The following SORCS3 variants were observed in gnomAD, a reference collection of about 807,000 sequenced individuals.
The protein encoded by SORCS3 is VPS10 domain-containing receptor SorCS3.
A neutral mutation model predicts 146.3 loss-of-function variants in SORCS3; 57 were observed. That is an observed-to-expected ratio of 0.39 (90% CI 0.31 to 0.49). The LOEUF is 0.49. Ranked by LOEUF, SORCS3 falls within the 20% of genes least tolerant of loss-of-function variation. The probability of loss-of-function intolerance (pLI) is 0.92; values close to 1 mark genes in which losing one functional copy is unlikely to be tolerated. For missense variants in SORCS3, 1,341 were observed against 1,575.5 expected, an observed-to-expected ratio of 0.85 and a Z score of 2.52; for synonymous variants, 653 against 618.5, an observed-to-expected ratio of 1.06 and a Z score of -0.83.
intron 2 of SORCS3, among the ~76,000 whole-genome samples, chr10:104,899,479 C>T (rs1045074342): frequency 6.6e-6 from 1 of 152,176 alleles, no homozygotes; most frequent in African/African-American, 2.4e-5. Context: ...GTTTTCCCAC[C>T]TACATCCAGT....
intron 13 of SORCS3, among the ~76,000 whole-genome samples, chr10:105,173,318 C>CA (rs1198204256): frequency 3.9e-5 from 6 of 151,924 alleles, no homozygotes; most frequent in East Asian, 3.9e-4. Context: ...CTCAAAAACA[C>CA]AAAAAAACAA....
Position 105,157,199 on chromosome 10 carries a change from A to G in SORCS3, c.1544A>G (p.Tyr515Cys), listed in dbSNP as rs1298051849. Residue 515 changes from tyrosine to cysteine, a missense_variant, in exon 10 of 27, where the codon TAC (tyrosine) becomes TGC (cysteine). Transcript: ENST00000369701. Reference protein sequence around the residue: ...NKKVDDQVKTYITYNKGRDWR... With the variant: ...NKKVDDQVKTCITYNKGRDWR... ...AAGGTGGACGACCAGGTGAAGACAT[A>G]CATCACTTACAACAAAGGCAGGGAT... The G allele has an allele frequency of 6.2e-7, 1 of 1,613,964 alleles. No homozygotes were observed. The highest frequency in any genetic ancestry group is 8.5e-7 in the Non-Finnish European group (1 of 1,179,972).
chr10:104,844,019 G>T (rs988657937), intron 2 of SORCS3, among the ~76,000 whole-genome samples: 1 of 152,174 alleles, frequency 6.6e-6, no homozygotes, highest in East Asian at 1.9e-4. Flanking sequence ...TGACCTGTTT[G>T]TTTGCAGAGA....
Position 104,849,535 on chromosome 10 carries a change from A to T in SORCS3, c.695+6676A>T, listed in dbSNP as rs2018247821. On this transcript the variant is annotated intron_variant, in intron 2 of 26. Transcript: ENST00000369701. ...AGTGTTTAAAGGGGGTAGGTCTTGG[A>T]TTCAAACAGCCTGGATGTGAACCCG... Among the ~76,000 whole-genome samples the T allele has an allele frequency of 3.3e-5, 5 of 151,754 alleles. No homozygotes were observed. In the South Asian group the frequency reaches 1.0e-3, roughly 32 times the overall value.
At chr10:104,971,857 C>A (rs952936580) in intron 3 of SORCS3, among the ~76,000 whole-genome samples, 1 of 152,016 alleles carries the variant, frequency 6.6e-6, no homozygotes, top group Non-Finnish European at 1.5e-5. Flanking sequence ...GTTATGGAAG[C>A]CCCTGGAAGA....
intron 1 of SORCS3, among the ~76,000 whole-genome samples, chr10:104,767,242 C>T (rs1238242160): frequency 6.6e-6 from 1 of 152,128 alleles, no homozygotes; most frequent in Non-Finnish European, 1.5e-5. Flanking sequence ...AGAAAATGAT[C>T]AGTAAATACT....
chr10:105,140,878 G>A (rs2056090721), intron 8 of SORCS3, among the ~76,000 whole-genome samples: 1 of 152,122 alleles, frequency 6.6e-6, no homozygotes, highest in African/African-American at 2.4e-5. Flanking sequence ...GGTGTTTGCA[G>A]GATGTACCCA....
At chr10:104,697,380 A>C (rs2016228968) in intron 1 of SORCS3, among the ~76,000 whole-genome samples, 1 of 152,196 alleles carries the variant, frequency 6.6e-6, no homozygotes, top group Non-Finnish European at 1.5e-5. Context: ...AAAGGGGCAT[A>C]GCTCTGCTTA....
At chr10:104,941,213 A>G (rs1010049116) in intron 3 of SORCS3, among the ~76,000 whole-genome samples, 3 of 152,104 alleles carry the variant, frequency 2.0e-5, no homozygotes, top group Non-Finnish European at 4.4e-5. Flanking sequence ...TGTGACCTGT[A>G]TCTTTGTGAC....
At chr10:104,901,352 G>A (rs1270884681) in intron 2 of SORCS3, among the ~76,000 whole-genome samples, 1 of 152,176 alleles carries the variant, frequency 6.6e-6, no homozygotes, top group African/African-American at 2.4e-5. Context: ...GTGGAACCAG[G>A]CATTGAAACC....
chr10:104,820,571 A>G (rs2200950), intron 1 of SORCS3, among the ~76,000 whole-genome samples: 6,806 of 152,270 alleles, frequency 0.045, 478 homozygotes, highest in African/African-American at 0.15. Flanking sequence ...TGAAGCACCT[A>G]CTGTGAACAA....
intron 3 of SORCS3, among the ~76,000 whole-genome samples, chr10:104,919,629 C>T (rs577019600): frequency 6.6e-5 from 10 of 151,936 alleles, no homozygotes; most frequent in South Asian, 2.1e-4. Flanking sequence ...GTGGAGGTTG[C>T]GGTGAGCAGA....
At chr10:104,949,743 T>C (rs1218810535) in intron 3 of SORCS3, among the ~76,000 whole-genome samples, 1 of 152,198 alleles carries the variant, frequency 6.6e-6, no homozygotes, top group Non-Finnish European at 1.5e-5. Flanking sequence ...CGTTTTGATA[T>C]AGAAAATATG....
chr10:104,744,935 G>A (rs186168357), intron 1 of SORCS3, among the ~76,000 whole-genome samples: 2 of 152,316 alleles, frequency 1.3e-5, no homozygotes, highest in African/African-American at 4.8e-5. Flanking sequence ...GAATGCAATT[G>A]ATATATGCAT....
At chr10:104,876,161 T>A (rs1027232012) in intron 2 of SORCS3, among the ~76,000 whole-genome samples, 1 of 152,228 alleles carries the variant, frequency 6.6e-6, no homozygotes, top group East Asian at 1.9e-4. Flanking sequence ...TGACTTCAAC[T>A]GTTGTAAGTC....
intron 1 of SORCS3, among the ~76,000 whole-genome samples, chr10:104,676,807 T>C (rs2015917694): frequency 6.6e-6 from 1 of 152,212 alleles, no homozygotes; most frequent in Non-Finnish European, 1.5e-5. Flanking sequence ...CTCAGTCATG[T>C]GATTTCTAGG....
chr10:104,910,745 A>G (rs1325443863), intron 2 of SORCS3, among the ~76,000 whole-genome samples: 1 of 152,266 alleles, frequency 6.6e-6, no homozygotes, highest in Admixed American at 6.5e-5. Context: ...AACAAGGGAT[A>G]GAGACACACA....
intron 4 of SORCS3, among the ~76,000 whole-genome samples, chr10:104,996,928 A>G (rs1408365617): frequency 6.6e-6 from 1 of 152,100 alleles, no homozygotes; most frequent in Admixed American, 6.6e-5. Context: ...GTGGAGGGAG[A>G]TCCAGCGGGG....
chr10:105,113,786 G>T (rs1357878438), intron 7 of SORCS3, among the ~76,000 whole-genome samples: 1 of 152,168 alleles, frequency 6.6e-6, no homozygotes. Flanking sequence ...CCTTTTCTGT[G>T]TAGGGGACCT....
Sources: allele counts gnomAD v4.1 joint callset (sites outside exome capture counted in the v4.1 genomes callset), GRCh38; gene constraint gnomAD v4.1.1; transcripts MANE v1.5; gene names NCBI Gene and HGNC (gene_info 2026-07-23, HGNC 2026-07-21).